GTF2E2: variants seen among roughly 807,000 people sequenced by gnomAD.
The protein encoded by GTF2E2 is general transcription factor IIE subunit 2, also known as transcription initiation factor IIE subunit beta.
GTF2E2 carries 21 observed loss-of-function variants against 40.5 expected under a neutral mutation model. The observed-to-expected ratio is 0.52, with a 90% CI of 0.37 to 0.75. The LOEUF is 0.75. Among genes scored for constraint, GTF2E2 ranks in the 30% least tolerant of loss-of-function variants. GTF2E2 has a pLI of 0.00. For missense variants in GTF2E2, 298 were observed against 338.4 expected (o/e 0.88, Z 0.94); for synonymous variants, 117 against 121.6 (o/e 0.96, Z 0.25).
At position 30,635,019 on chromosome 8, in the gene GTF2E2, G is replaced by A. The variant is rs201112626; in HGVS notation, c.258+13C>T. ...GTTAAATAGGACTTTTGCTATCTGAGAAAAGTACTTACCTTCATGTAATTC... is the reference window on the plus strand; with the variant it reads ...GTTAAATAGGACTTTTGCTATCTGAAAAAAGTACTTACCTTCATGTAATTC... On this transcript the variant is annotated intron_variant, in intron 3 of 7. Coordinates refer to ENST00000355904, the MANE Select transcript of GTF2E2 (RefSeq NM_002095.6). The A allele has an allele frequency of 2.2e-4, 319 of 1,449,274 alleles. No individual in the cohort carries two copies. The highest frequency in any genetic ancestry group is 3.5e-4 in the Middle Eastern group (2 of 5,692). 89.8% of individuals were successfully genotyped at this position (1,449,274 alleles called of 1,614,324 possible). A position where few individuals can be genotyped will look rare whatever the true frequency, so the allele number is the denominator to read the frequency against.
chr8:30,624,040 C>T (rs1483317895), intron 3 of GTF2E2, among the ~76,000 whole-genome samples: 1 of 152,114 alleles, frequency 6.6e-6, no homozygotes, highest in Non-Finnish European at 1.5e-5. Context: ...TCTATTTTGG[C>T]TTTCGTTGCC....
rs5890531 is a variant in GTF2E2, at chr8:30,644,750, A to AT, written c.166+8682dup. On this transcript the variant is annotated intron_variant, in intron 2 of 7. Transcript: ENST00000355904. ...ATTAGCAGTTAATTTCGGTATATGA[A>AT]TTTTTTTTTTTTTTTTTGAGAAACG... Among the ~76,000 whole-genome samples the AT allele has an allele frequency of 3.5e-4, 50 of 141,540 alleles. 1 individual carries two copies. Among genetic ancestry groups the AT allele is most frequent in the African/African-American group, 9.7e-4 (37 of 38,200 alleles). 92.9% of individuals were successfully genotyped at this position (141,540 alleles called of 152,430 possible).
chr8:30,645,440 T>C, intron 2 of GTF2E2: 2 of 1,535,720 alleles, frequency 1.3e-6, no homozygotes, highest in Non-Finnish European at 1.7e-6. Context: ...TTATTTATAT[T>C]TACAGTGGTA....
chr8:30,651,723 G>T lies in GTF2E2; in HGVS notation c.166+1710C>A, dbSNP rs773083749. Among the ~76,000 whole-genome samples, 17 of 152,146 alleles carry T rather than the reference G, an allele frequency of 1.1e-4. 1 individual carries two copies. The highest frequency in any genetic ancestry group is 2.4e-4 in the Non-Finnish European group (16 of 68,020). On this transcript the variant is annotated intron_variant, in intron 2 of 7. Transcript: ENST00000355904. ...AATCCCAGCAGGCTTTTTTGCAAAT[G>T]TTGATAGATTGACCCTAAAATTTAT... is the stretch of plus-strand genomic sequence containing the variant.
intron 3 of GTF2E2, among the ~76,000 whole-genome samples, chr8:30,626,827 T>A (rs980828371): frequency 6.6e-6 from 1 of 152,230 alleles, no homozygotes; most frequent in South Asian, 2.1e-4. Context: ...TATTCCATTG[T>A]GCAGCATCTG....
intron 4 of GTF2E2, among the ~76,000 whole-genome samples, chr8:30,612,925 T>C (rs1290297906): frequency 6.6e-6 from 1 of 152,222 alleles, no homozygotes; most frequent in African/African-American, 2.4e-5. Flanking sequence ...AAGTACCTTA[T>C]GAATACAAAC....
intron 3 of GTF2E2, among the ~76,000 whole-genome samples, chr8:30,633,169 A>G (rs1801491117): frequency 6.6e-6 from 1 of 152,178 alleles, no homozygotes; most frequent in Non-Finnish European, 1.5e-5. Context: ...AACATTTTAA[A>G]TTTTGATTTA....
chr8:30,622,326 C>T (rs893460100), intron 3 of GTF2E2, among the ~76,000 whole-genome samples: 2 of 151,850 alleles, frequency 1.3e-5, no homozygotes, highest in South Asian at 4.1e-4. Context: ...CAGTAGGTTC[C>T]GTGATGCCCC....
Position 30,616,645 on chromosome 8 carries a change from G to A in GTF2E2, c.259-1930C>T, listed in dbSNP as rs73576114. 7.8e-3 allele frequency among the ~76,000 whole-genome samples: 1,189 copies of A among 152,010 alleles called. 23 individuals are homozygous for A. The highest frequency in any genetic ancestry group is 0.027 in the African/African-American group (1,114 of 41,424). ...CTAAGGGTGAACTCATGTAAACTAT[G>A]GACTTTGAGTGGTAATTTGTCAACG... On this transcript the variant is annotated intron_variant, in intron 3 of 7. Transcript: ENST00000355904.
chr8:30,581,510 G>A (rs542253070), intron 6 of GTF2E2, among the ~76,000 whole-genome samples: 3 of 152,270 alleles, frequency 2.0e-5, no homozygotes, highest in Admixed American at 6.5e-5. Context: ...CATGGAAATC[G>A]GTTTACTGCC....
At chr8:30,650,328 G>T (rs1199329545) in intron 2 of GTF2E2, among the ~76,000 whole-genome samples, 3 of 152,048 alleles carry the variant, frequency 2.0e-5, no homozygotes, top group Non-Finnish European at 4.4e-5. Context: ...ATAGACTAAA[G>T]AGTGAGAACA....
At chr8:30,635,410 C>T (rs1238384356) in intron 2 of GTF2E2, among the ~76,000 whole-genome samples, 2 of 151,908 alleles carry the variant, frequency 1.3e-5, no homozygotes, top group Admixed American at 6.6e-5. Context: ...GAGACAGGGT[C>T]GCATTCCCAT....
chr8:30,588,366 T>C (rs1367593806), intron 6 of GTF2E2, among the ~76,000 whole-genome samples: 1 of 152,132 alleles, frequency 6.6e-6, no homozygotes, highest in Non-Finnish European at 1.5e-5. Flanking sequence ...ATAATATATA[T>C]ACACACAATG....
chr8:30,595,097 C>A (rs762024680), intron 6 of GTF2E2, among the ~76,000 whole-genome samples: 1 of 152,096 alleles, frequency 6.6e-6, no homozygotes. Flanking sequence ...TGGCTTATTA[C>A]ATTTTTTTCA....
intron 7 of GTF2E2, 32 bp from the exon 8 acceptor site, chr8:30,579,069 A>G: frequency 9.0e-7 from 1 of 1,115,628 alleles, no homozygotes; most frequent in Non-Finnish European, 1.4e-6. Flanking sequence ...ATTAGAAACA[A>G]CAGCTGCTCT....
At chr8:30,654,751 T>A (rs377590483) in intron 1 of GTF2E2, among the ~76,000 whole-genome samples, 1 of 152,104 alleles carries the variant, frequency 6.6e-6, no homozygotes, top group African/African-American at 2.4e-5. Context: ...CCACTCCCAT[T>A]ATATTTCTAT....
chr8:30,606,436 G>C (rs1414675863), intron 6 of GTF2E2, among the ~76,000 whole-genome samples: 2 of 152,172 alleles, frequency 1.3e-5, no homozygotes, highest in African/African-American at 2.4e-5. Context: ...CAAATTTACA[G>C]TAAAATACCA....
intron 1 of GTF2E2, among the ~76,000 whole-genome samples, chr8:30,656,330 C>A (rs1432291689): frequency 3.3e-5 from 5 of 152,112 alleles, no homozygotes; most frequent in Admixed American, 1.3e-4. Context: ...GAATGATTTA[C>A]CGGGCTGAGG....
intron 4 of GTF2E2, among the ~76,000 whole-genome samples, chr8:30,613,793 T>C (rs957403061): frequency 6.6e-6 from 1 of 152,246 alleles, no homozygotes; most frequent in Admixed American, 6.5e-5. Context: ...TAGAAAGTAG[T>C]CTTCTTAGTT....
Sources: allele counts gnomAD v4.1 joint callset (sites outside exome capture counted in the v4.1 genomes callset), GRCh38; gene constraint gnomAD v4.1.1; transcripts MANE v1.5; gene names NCBI Gene and HGNC (gene_info 2026-07-23, HGNC 2026-07-21).